Variants in SND1 observed in about 807,000 individuals in gnomAD.
SND1 encodes staphylococcal nuclease domain-containing protein 1.
A neutral mutation model predicts 121.7 loss-of-function variants in SND1; 38 were observed. That is an observed-to-expected ratio of 0.31 (90% CI 0.24 to 0.41). The LOEUF (loss-of-function observed/expected upper bound fraction) is 0.41. Ranked by LOEUF, SND1 falls within the 10% of genes least tolerant of loss-of-function variation. The probability of loss-of-function intolerance (pLI) is 1.00; values close to 1 mark genes in which losing one functional copy is unlikely to be tolerated. For synonymous variants in SND1, 401 were observed against 447.4 expected (o/e 0.90, Z 1.31); for missense variants, 868 against 1,184.6 (o/e 0.73, Z 3.92).
intron 1 of SND1, among the ~76,000 whole-genome samples, chr7:127,670,554 A>G (rs954296962): frequency 1.3e-5 from 2 of 152,208 alleles, no homozygotes; most frequent in South Asian, 2.1e-4. Context: ...CTCTTATAGA[A>G]AGTTCTCAGT....
chr7:128,013,793 A>G (rs1332733348), intron 16 of SND1, among the ~76,000 whole-genome samples: 2 of 152,210 alleles, frequency 1.3e-5, no homozygotes, highest in African/African-American at 2.4e-5. Context: ...CTCCCCGCCT[A>G]CCACTCACCT....
intron 15 of SND1, among the ~76,000 whole-genome samples, chr7:127,968,721 T>C (rs1293588801): frequency 6.6e-6 from 1 of 152,212 alleles, no homozygotes; most frequent in African/African-American, 2.4e-5. Flanking sequence ...GCCAGTTCCT[T>C]TTCTGGCTTA....
rs1237033242 is a variant in SND1 at position 128,085,829 on chromosome 7, C to T, written c.2304+49C>T. On this transcript the variant is annotated intron_variant, in intron 20 of 23. Transcript: ENST00000354725. The surrounding 1 kb of genome is among the most constrained non-coding windows in gnomAD (Gnocchi z 4.4). ...TGGAGGGGCTATCAAACACAGCAGC[C>T]CCCGAGTCAAATCCATCTGATCTCT... The T allele has an allele frequency of 1.3e-6, 2 of 1,495,516 alleles. No individual in the cohort carries two copies. The highest frequency in any genetic ancestry group is 1.9e-6 in the Non-Finnish European group (2 of 1,072,714). The allele number at this position is 1,495,516 out of a possible 1,614,324, so 92.6% of individuals were successfully genotyped here.
At chr7:127,726,732 C>T (rs1021741475) in intron 10 of SND1, among the ~76,000 whole-genome samples, 5 of 152,156 alleles carry the variant, frequency 3.3e-5, no homozygotes, top group African/African-American at 7.2e-5. Context: ...GACTTATTCT[C>T]CCTGAAGTCT....
At chr7:127,652,485 C>T in intron 1 of SND1, 34 bp downstream of exon 1, 1 of 1,525,856 alleles carries the variant, frequency 6.6e-7, no homozygotes, top group South Asian at 1.2e-5. Context: ...ACCCCTCTGC[C>T]TGCCTTCGGG....
In SND1 at chr7:127,914,463, T is replaced by A. The variant is rs1298655734; in HGVS notation, c.1527+9644T>A. 2.0e-5 allele frequency among the ~76,000 whole-genome samples: 3 copies of A among 152,328 alleles called. No homozygotes were observed. In the East Asian group the frequency reaches 5.8e-4, roughly 29 times the overall value. ...TTCTTCAACATTTACATAATCATATTACCATGATTTTGTGCTTGTTGATAA... is the reference window on the plus strand; with the variant it reads ...TTCTTCAACATTTACATAATCATATAACCATGATTTTGTGCTTGTTGATAA... On this transcript the variant is annotated intron_variant, in intron 14 of 23. Transcript: ENST00000354725.
chr7:127,810,056 T>G (rs1798305565), intron 11 of SND1, among the ~76,000 whole-genome samples: 1 of 152,222 alleles, frequency 6.6e-6, no homozygotes, highest in Non-Finnish European at 1.5e-5. Flanking sequence ...TGATTTTGCT[T>G]AATACTGTTT....
Position 128,067,942 on chromosome 7 carries a change from C to T in SND1, c.1780-6560C>T, listed in dbSNP as rs73238094. Reference sequence around the variant, plus strand: ...GTCTCCATTTCTTAATTATTTTGCCCCCAGTGCCCTCGGCTCCCTTATTTA... The same window carrying T: ...GTCTCCATTTCTTAATTATTTTGCCTCCAGTGCCCTCGGCTCCCTTATTTA... On this transcript the variant is annotated intron_variant, in intron 16 of 23. Coordinates refer to ENST00000354725, the MANE Select transcript of SND1 (RefSeq NM_014390.4). Among the ~76,000 whole-genome samples the T allele has an allele frequency of 3.3e-3, 507 of 152,126 alleles. 3 individuals carry two copies. Among genetic ancestry groups the T allele is most frequent in the Admixed American group, 3.4e-3 (52 of 15,284 alleles).
At chr7:127,936,023 C>T (rs1801053370) in intron 15 of SND1, among the ~76,000 whole-genome samples, 1 of 152,172 alleles carries the variant, frequency 6.6e-6, no homozygotes, top group African/African-American at 2.4e-5. Context: ...TGTTCTGTCA[C>T]GGTTCCTGCA....
In SND1 at chr7:127,958,621, T is replaced by A. The variant is rs180797721; in HGVS notation, c.1669+29292T>A. Among the ~76,000 whole-genome samples, 7 of 152,324 alleles carry A rather than the reference T, an allele frequency of 4.6e-5. No homozygotes were observed. The East Asian group carries it at 1.4e-3, about 29-fold the overall frequency. On this transcript the variant is annotated intron_variant, in intron 15 of 23. Coordinates refer to ENST00000354725, the MANE Select transcript of SND1 (RefSeq NM_014390.4). Reference sequence around the variant, plus strand: ...GGTATGTGAAACCCCTGGATAAATATGACACATCTTAGCTTGACCATTTTA... The same window carrying A: ...GGTATGTGAAACCCCTGGATAAATAAGACACATCTTAGCTTGACCATTTTA...
chr7:127,759,926 G>A (rs2116474185), intron 10 of SND1, among the ~76,000 whole-genome samples: 1 of 152,242 alleles, frequency 6.6e-6, no homozygotes, highest in African/African-American at 2.4e-5. Flanking sequence ...TCTGCTGCCA[G>A]CCTCTCCTCT....
intron 11 of SND1, among the ~76,000 whole-genome samples, chr7:127,813,143 A>G (rs921821442): frequency 6.6e-6 from 1 of 152,144 alleles, no homozygotes; most frequent in Non-Finnish European, 1.5e-5. Flanking sequence ...CCAAATTGAG[A>G]GCTGTTTTGA....
At chr7:128,053,627 TGA>T (rs764740265) in intron 16 of SND1, among the ~76,000 whole-genome samples, 3 of 152,106 alleles carry the variant, frequency 2.0e-5, no homozygotes, top group East Asian at 1.9e-4. Context: ...ACATAGCAGC[TGA>T]GAGAGAGTGT....
At chr7:127,831,969 C>G (rs553174003) in intron 11 of SND1, among the ~76,000 whole-genome samples, 1 of 152,260 alleles carries the variant, frequency 6.6e-6, no homozygotes, top group African/African-American at 2.4e-5. Context: ...TTCCATGTTT[C>G]CCTCACTTTT....
At chr7:128,081,799 G>A (rs373336847) in intron 18 of SND1, 1 of 595,572 alleles carries the variant, frequency 1.7e-6, no homozygotes, top group Non-Finnish European at 3.3e-6. Context: ...GGAGCTCTGA[G>A]TCTCTTAGGT....
chr7:127,757,699 T>C (rs1584550846), intron 10 of SND1, among the ~76,000 whole-genome samples: 1 of 152,378 alleles, frequency 6.6e-6, no homozygotes, highest in East Asian at 1.9e-4. Flanking sequence ...TCAGGTCTTA[T>C]AAAGATTTTA....
At chr7:128,012,552 G>A (rs759174680) in intron 16 of SND1, among the ~76,000 whole-genome samples, 1 of 152,158 alleles carries the variant, frequency 6.6e-6, no homozygotes, top group Non-Finnish European at 1.5e-5. Flanking sequence ...CCATTCCCAG[G>A]AGTCCACATG....
At chr7:127,674,787 G>T (rs1269922942) in intron 1 of SND1, among the ~76,000 whole-genome samples, 2 of 152,188 alleles carry the variant, frequency 1.3e-5, no homozygotes, top group Non-Finnish European at 2.9e-5. Flanking sequence ...TGGAAGGCTT[G>T]AGCTGGGTTT....
At chr7:127,792,533 T>C (rs1364221111) in intron 10 of SND1, among the ~76,000 whole-genome samples, 1 of 152,154 alleles carries the variant, frequency 6.6e-6, no homozygotes. Flanking sequence ...AAGGGTAGCA[T>C]GGAGGTAATA....
Sources: allele counts gnomAD v4.1 joint callset (sites outside exome capture counted in the v4.1 genomes callset), GRCh38; gene constraint gnomAD v4.1.1; non-coding constraint Gnocchi (gnomAD v3.1); transcripts MANE v1.5; gene names NCBI Gene and HGNC (gene_info 2026-07-23, HGNC 2026-07-21).